The following DLGAP2 variants were observed in gnomAD, a reference collection of about 807,000 sequenced individuals.
The protein encoded by DLGAP2 is DLG associated protein 2.
In DLGAP2, 26 loss-of-function variants were observed where a neutral mutation model predicts 100.3. The ratio of observed to expected loss-of-function variants is 0.26; its 90% CI spans 0.19 to 0.36. DLGAP2 has a LOEUF of 0.36. Among genes scored for constraint, DLGAP2 ranks in the 10% least tolerant of loss-of-function variants. The pLI is 1.00. For missense variants in DLGAP2, 1,858 were observed against 1,453.2 expected, an observed-to-expected ratio of 1.28 and a Z score of -4.53; for synonymous variants, 886 against 630.1, an observed-to-expected ratio of 1.41 and a Z score of -6.08.
intron 3 of DLGAP2, among the ~76,000 whole-genome samples, chr8:1,439,431 C>A (rs1054190921): frequency 2.6e-5 from 4 of 152,146 alleles, no homozygotes; most frequent in African/African-American, 9.7e-5. Context: ...TCTCTAGTTC[C>A]TCACGGGAGC....
At chr8:1,157,352 C>T (rs1293184984) in intron 2 of DLGAP2, among the ~76,000 whole-genome samples, 1 of 152,162 alleles carries the variant, frequency 6.6e-6, no homozygotes, top group Non-Finnish European at 1.5e-5. Context: ...GACGACGGCC[C>T]TCAGGGAGTT....
intron 3 of DLGAP2, among the ~76,000 whole-genome samples, chr8:1,351,625 C>T (rs1352922900): frequency 1.6e-5 from 1 of 60,674 alleles, no homozygotes; most frequent in Non-Finnish European, 3.3e-5. Flanking sequence ...AAAGGCCGTG[C>T]GGGTCCTGAG....
intron 2 of DLGAP2, among the ~76,000 whole-genome samples, chr8:1,207,932 G>T (rs983092359): frequency 3.3e-5 from 5 of 151,862 alleles, no homozygotes; most frequent in African/African-American, 4.8e-5. Flanking sequence ...TTTATTTCTT[G>T]CTGGTTTGAG....
chr8:1,586,502 G>C (rs1304157011), intron 6 of DLGAP2, among the ~76,000 whole-genome samples: 1 of 152,180 alleles, frequency 6.6e-6, no homozygotes, highest in Admixed American at 6.5e-5. Flanking sequence ...CGCTGAGAGG[G>C]GGCCTGCCTG....
intron 1 of DLGAP2, among the ~76,000 whole-genome samples, chr8:881,738 C>T (rs561986921): frequency 6.6e-4 from 96 of 146,362 alleles, no homozygotes; most frequent in African/African-American, 2.3e-3. Context: ...AGGCTGGTCT[C>T]GAACTCCTGA....
intron 1 of DLGAP2, among the ~76,000 whole-genome samples, chr8:866,720 C>T (rs191648030): frequency 8.5e-5 from 13 of 152,330 alleles, no homozygotes; most frequent in East Asian, 3.9e-4. Context: ...CTTTCCCAGA[C>T]GCTGTGTGCT....
At chr8:1,527,699 T>C (rs1307031241) in intron 4 of DLGAP2, among the ~76,000 whole-genome samples, 1 of 152,208 alleles carries the variant, frequency 6.6e-6, no homozygotes, top group Non-Finnish European at 1.5e-5. Flanking sequence ...TGCCTGTGTC[T>C]ATGCAGCATG....
chr8:852,817 G>C (rs1269656076), intron 1 of DLGAP2, among the ~76,000 whole-genome samples: 2 of 152,232 alleles, frequency 1.3e-5, no homozygotes, highest in Non-Finnish European at 2.9e-5. Flanking sequence ...CAACGTCCTT[G>C]ATGTAGAATT....
chr8:1,047,251 C>T (rs561067303), intron 2 of DLGAP2, among the ~76,000 whole-genome samples: 11 of 152,280 alleles, frequency 7.2e-5, no homozygotes, highest in South Asian at 4.1e-4. Context: ...GCAACCTTTG[C>T]GGTCTGGTTT....
intron 8 of DLGAP2, among the ~76,000 whole-genome samples, chr8:1,666,438 C>T (rs1053136064): frequency 3.3e-5 from 5 of 152,048 alleles, no homozygotes; most frequent in African/African-American, 9.7e-5. Context: ...TTTGGGAGAC[C>T]GAGGTGGGTG....
rs115187155 is a variant in DLGAP2, at chr8:1,276,999, G to A, written c.106+18116G>A. Among the ~76,000 whole-genome samples, 916 of 152,138 alleles carry A rather than the reference G, an allele frequency of 6.0e-3. 10 individuals are homozygous for A. The highest frequency in any genetic ancestry group is 0.021 in the African/African-American group (866 of 41,498). ...GTGGTTGCATATTATTCCATTTTGTGGGTCCACTGTGATTTACTGAATTGG... is the reference window on the plus strand; with the variant it reads ...GTGGTTGCATATTATTCCATTTTGTAGGTCCACTGTGATTTACTGAATTGG... On this transcript the variant is annotated intron_variant, in intron 3 of 14. Coordinates refer to ENST00000637795, the MANE Select transcript of DLGAP2 (RefSeq NM_001346810.2).
chr8:953,427 C>T (rs1330902008), intron 2 of DLGAP2, among the ~76,000 whole-genome samples: 5 of 152,174 alleles, frequency 3.3e-5, no homozygotes, highest in African/African-American at 7.2e-5. Context: ...CTCCTGACGT[C>T]GTGATCCACC....
intron 2 of DLGAP2, among the ~76,000 whole-genome samples, chr8:1,005,412 T>G (rs1041043144): frequency 2.6e-5 from 3 of 114,516 alleles, no homozygotes; most frequent in Non-Finnish European, 3.7e-5. Flanking sequence ...CTTGTTTTTT[T>G]TTTTTTTTTT....
intron 4 of DLGAP2, among the ~76,000 whole-genome samples, chr8:1,537,307 GT>G (rs1263527185): frequency 2.3e-4 from 35 of 152,212 alleles, no homozygotes; most frequent in Non-Finnish European, 2.9e-5. Flanking sequence ...ACATAGTTGT[GT>G]GTGCCTGTGT....
At position 1,706,670 on chromosome 8, in the gene DLGAP2, G is replaced by T. The variant is rs1421408163; in HGVS notation, c.*5264G>T. On this transcript the variant is annotated 3_prime_UTR_variant, in exon 15 of 15. Transcript: ENST00000637795. ...AGGCCACGTTTTCACCATTACTTAA[G>T]CTCAATCGCCTCTTAGATGAAATGA... 1 of 152,164 alleles carries T rather than the reference G, an allele frequency of 6.6e-6. No individual in the cohort carries two copies. The highest frequency in any genetic ancestry group is 1.5e-5 in the Non-Finnish European group (1 of 68,036). The allele number at this position is 152,164 out of a possible 1,614,324, so 9.4% of individuals were successfully genotyped here. A position where few individuals can be genotyped will look rare whatever the true frequency, so the allele number is the denominator to read the frequency against.
chr8:799,994 G>A (rs1273454485), intron 1 of DLGAP2, among the ~76,000 whole-genome samples: 3 of 152,198 alleles, frequency 2.0e-5, no homozygotes, highest in African/African-American at 7.2e-5. Context: ...GAAAGCCGCA[G>A]TGATGGCCAG....
chr8:1,240,328 C>G (rs1251052317), intron 2 of DLGAP2, among the ~76,000 whole-genome samples: 1 of 145,654 alleles, frequency 6.9e-6, no homozygotes, highest in South Asian at 2.3e-4. Flanking sequence ...GTGTCTAGTT[C>G]TCTCTCACAC....
At chr8:1,099,941 C>T (rs1161690450) in intron 2 of DLGAP2, among the ~76,000 whole-genome samples, 4 of 152,186 alleles carry the variant, frequency 2.6e-5, no homozygotes, top group Non-Finnish European at 5.9e-5. Context: ...CAGGGTTTTG[C>T]TTCCCGAGAT....
rs1027969322 is a variant in DLGAP2 at position 1,226,401 on chromosome 8, A to T, written c.74-32450A>T. On this transcript the variant is annotated intron_variant, in intron 2 of 14. Transcript: ENST00000637795. ...AACAAAACACTACATGTTCTCACTT[A>T]TAAGTGGGAGCTGAACAATGAGAAG... Among the ~76,000 whole-genome samples the T allele has an allele frequency of 3.9e-5, 6 of 152,340 alleles. No homozygotes were observed. In the South Asian group the frequency reaches 1.2e-3, roughly 32 times the overall value.
Sources: gnomAD v4.1 joint callset for allele counts (sites outside exome capture counted in the v4.1 genomes callset) on GRCh38, gnomAD v4.1.1 for gene constraint, MANE v1.5 for transcripts, NCBI Gene and HGNC (gene_info 2026-07-23, HGNC 2026-07-21) for gene names.